CATSPERT: variants seen among roughly 807,000 people sequenced by gnomAD.
CATSPERT encodes cation channel sperm-associated targeting subunit tau.
the CATSPERT span, among the ~76,000 whole-genome samples, chr2:201,561,683 C>T: frequency 6.6e-6 from 1 of 152,042 alleles, no homozygotes; most frequent in Non-Finnish European, 1.5e-5. Flanking sequence ...ACCAGCCTGA[C>T]CAACATGGTG....
the CATSPERT span, among the ~76,000 whole-genome samples, chr2:201,565,304 C>CA: frequency 9.9e-3 from 1,431 of 144,226 alleles, 26 homozygotes; most frequent in African/African-American, 0.03. Context: ...GGCCTCGTCT[C>CA]AAAAAAAAAA....
the CATSPERT span, among the ~76,000 whole-genome samples, chr2:201,505,989 C>G: frequency 6.6e-6 from 1 of 152,088 alleles, no homozygotes; most frequent in Non-Finnish European, 1.5e-5. Flanking sequence ...CAAAGCCGGC[C>G]GGGCGCAGTG....
chr2:201,613,271 C>A, the CATSPERT span, among the ~76,000 whole-genome samples: 1 of 152,186 alleles, frequency 6.6e-6, no homozygotes, highest in African/African-American at 2.4e-5. Flanking sequence ...GGTCCCTGAC[C>A]CCCGAGTAGC....
At chr2:201,489,855 C>A in the CATSPERT span, among the ~76,000 whole-genome samples, 1 of 143,202 alleles carries the variant, frequency 7.0e-6, no homozygotes, top group African/African-American at 2.6e-5. Flanking sequence ...GATTTACTTT[C>A]CTAATTTTTT....
chr2:201,525,930 C>T, the CATSPERT span, among the ~76,000 whole-genome samples: 10 of 152,004 alleles, frequency 6.6e-5, no homozygotes, highest in East Asian at 1.9e-3. Context: ...AAACTGAAAC[C>T]CTGAACAGAC....
the CATSPERT span, among the ~76,000 whole-genome samples, chr2:201,545,841 G>GA: frequency 6.6e-6 from 1 of 152,074 alleles, no homozygotes; most frequent in Non-Finnish European, 1.5e-5. Context: ...GCTAGGAGTT[G>GA]ATGTTCCAAA....
chr2:201,548,601 C>A, the CATSPERT span, among the ~76,000 whole-genome samples: 63,831 of 151,730 alleles, frequency 0.42, 14,029 homozygotes, highest in East Asian at 0.75. Context: ...ATCTTCTAAT[C>A]CAAGAAACTT....
chr2:201,593,794 T>C, the CATSPERT span, among the ~76,000 whole-genome samples: 66 of 150,902 alleles, frequency 4.4e-4, 1 homozygote, highest in East Asian at 0.011. Context: ...GAGACTAGGA[T>C]TGCAACCCCT....
the CATSPERT span, among the ~76,000 whole-genome samples, chr2:201,618,297 T>C: frequency 6.6e-6 from 1 of 152,010 alleles, no homozygotes; most frequent in African/African-American, 2.4e-5. Flanking sequence ...TGGCAAAGAC[T>C]AGGAACCAAC....
At chr2:201,564,432 A>AG in the CATSPERT span, among the ~76,000 whole-genome samples, 2 of 114,426 alleles carry the variant, frequency 1.7e-5, no homozygotes, top group South Asian at 6.2e-4. Context: ...GAAAACTAAG[A>AG]GAAAAAAACC....
chr2:201,543,864 T>C, the CATSPERT span, among the ~76,000 whole-genome samples: 6 of 152,312 alleles, frequency 3.9e-5, no homozygotes, highest in South Asian at 1.0e-3. Context: ...TGCTTTCTTT[T>C]TTTTATTATT....
chr2:201,505,346 G>C, the CATSPERT span, among the ~76,000 whole-genome samples: 27 of 152,126 alleles, frequency 1.8e-4, no homozygotes, highest in Non-Finnish European at 2.1e-4. Context: ...CTCCCAAAGT[G>C]CTGGGATTAC....
At chr2:201,529,293 C>A in the CATSPERT span, among the ~76,000 whole-genome samples, 1 of 152,064 alleles carries the variant, frequency 6.6e-6, no homozygotes, top group African/African-American at 2.4e-5. Context: ...ACAGCCAAAG[C>A]AATCTCGAGC....
chr2:201,582,012 C>A, the CATSPERT span: 2 of 1,484,480 alleles, frequency 1.3e-6, no homozygotes, highest in East Asian at 5.1e-5. Context: ...CAAAAAAAGC[C>A]CATCAAGTAT....
chr2:201,582,085 T>C, the CATSPERT span: 1 of 1,595,300 alleles, frequency 6.3e-7, no homozygotes, highest in South Asian at 1.2e-5. Context: ...AAAAATCATT[T>C]TATACATACC....
the CATSPERT span, among the ~76,000 whole-genome samples, chr2:201,530,957 G>A: frequency 2.3e-5 from 2 of 88,848 alleles, no homozygotes; most frequent in Admixed American, 1.4e-4. Context: ...TTTGTTTTTT[G>A]TGGGTTTTTT....
the CATSPERT span, among the ~76,000 whole-genome samples, chr2:201,594,562 G>C: frequency 2.0e-5 from 3 of 151,846 alleles, no homozygotes; most frequent in Non-Finnish European, 4.4e-5. Flanking sequence ...TGGATAATAT[G>C]CTGCAGAGTG....
chr2:201,617,558 C>T, the CATSPERT span, among the ~76,000 whole-genome samples: 2 of 152,142 alleles, frequency 1.3e-5, no homozygotes, highest in African/African-American at 4.8e-5. Context: ...AAAATTAATT[C>T]AAGATGGATT....
At chr2:201,575,422 T>G in the CATSPERT span, 1 of 873,690 alleles carries the variant, frequency 1.1e-6, no homozygotes, top group Non-Finnish European at 1.7e-6. Flanking sequence ...GGCCATGGAC[T>G]GGTGCTGGTC....
Sources: gnomAD v4.1 joint callset for allele counts (sites outside exome capture counted in the v4.1 genomes callset) on GRCh38, gnomAD v4.1.1 for gene constraint, MANE v1.5 for transcripts, NCBI Gene and HGNC (gene_info 2026-07-23, HGNC 2026-07-21) for gene names.